Variants in CACNB2 observed in about 807,000 individuals in gnomAD.
The protein encoded by CACNB2 is voltage-dependent L-type calcium channel subunit beta-2.
A neutral mutation model predicts 73.3 loss-of-function variants in CACNB2; 42 were observed. The ratio of observed to expected loss-of-function variants is 0.57; its 90% CI spans 0.45 to 0.74. The LOEUF (loss-of-function observed/expected upper bound fraction) is 0.74. Among genes scored for constraint, CACNB2 ranks in the 30% least tolerant of loss-of-function variants. The pLI, the probability that CACNB2 is intolerant of heterozygous loss-of-function variation, is 0.00. For missense variants in CACNB2, 940 were observed against 853.0 expected (o/e 1.10, Z -1.27); for synonymous variants, 348 against 310.3 (o/e 1.12, Z -1.28).
In CACNB2 at chr10:18,464,687, C is replaced by T. The variant is rs367922409; in HGVS notation, c.334-33668C>T. On this transcript the variant is annotated intron_variant, in intron 3 of 13. Transcript: ENST00000324631. ...CAGCTTCACCACTACCACACATCTCCAAGCCACCATCCACTCTCATCTGGA... is the reference window on the plus strand; with the variant it reads ...CAGCTTCACCACTACCACACATCTCTAAGCCACCATCCACTCTCATCTGGA... Among the ~76,000 whole-genome samples, 7 of 152,338 alleles carry T rather than the reference C, an allele frequency of 4.6e-5. No homozygotes were observed. In the East Asian group the frequency reaches 1.4e-3, roughly 29 times the overall value.
chr10:18,289,796 T>C (rs9417384), intron 2 of CACNB2, among the ~76,000 whole-genome samples: 55,317 of 151,820 alleles, frequency 0.36, 10,698 homozygotes, highest in African/African-American at 0.43. Context: ...TTCTATCCTT[T>C]ATAAAATTTT....
At chr10:18,155,719 T>G (rs1248283105) in intron 2 of CACNB2, among the ~76,000 whole-genome samples, 1 of 152,146 alleles carries the variant, frequency 6.6e-6, no homozygotes, top group Admixed American at 6.6e-5. Flanking sequence ...TAACACTTAG[T>G]AGTGTCAATC....
intron 2 of CACNB2, among the ~76,000 whole-genome samples, chr10:18,217,272 T>C (rs946815918): frequency 1.7e-4 from 26 of 152,022 alleles, no homozygotes; most frequent in African/African-American, 6.0e-4. Context: ...TCACCTGAGG[T>C]CAGGAGTTCG....
Position 18,286,017 on chromosome 10 carries a change from C to T in CACNB2, c.214-115907C>T, listed in dbSNP as rs560096323. Among the ~76,000 whole-genome samples, 14 of 152,258 alleles carry T rather than the reference C, an allele frequency of 9.2e-5. No individual in the cohort carries two copies. The South Asian group carries it at 1.7e-3, about 18-fold the overall frequency. On this transcript the variant is annotated intron_variant, in intron 2 of 13. Coordinates refer to ENST00000324631, the MANE Select transcript of CACNB2 (RefSeq NM_201596.3). The stretch of plus-strand genomic sequence containing the variant: ...ACACAGTTTTTGAAATACTTTAAAA[C>T]CCAAATCTGTGGTGTAGTAATATAT...
chr10:18,246,347 C>A (rs572059972), intron 2 of CACNB2, among the ~76,000 whole-genome samples: 1 of 152,036 alleles, frequency 6.6e-6, no homozygotes, highest in African/African-American at 2.4e-5. Flanking sequence ...AATATTATAA[C>A]CTTAGGGAAC....
chr10:18,270,722 G>T (rs982827654), intron 2 of CACNB2, among the ~76,000 whole-genome samples: 1 of 151,910 alleles, frequency 6.6e-6, no homozygotes, highest in Non-Finnish European at 1.5e-5. Context: ...TCTCGGTTAG[G>T]TATCCTTGCT....
chr10:18,282,980 A>C (rs2038618639), intron 2 of CACNB2, among the ~76,000 whole-genome samples: 1 of 152,198 alleles, frequency 6.6e-6, no homozygotes, highest in Non-Finnish European at 1.5e-5. Context: ...CAAGAAAAAA[A>C]TCAAACAACC....
intron 2 of CACNB2, among the ~76,000 whole-genome samples, chr10:18,379,849 G>A (rs2042942576): frequency 6.6e-6 from 1 of 152,038 alleles, no homozygotes; most frequent in Admixed American, 6.6e-5. Context: ...ACCTCGCCTG[G>A]CTAATTTTTG....
rs756899035 is a variant in CACNB2, at chr10:18,257,886, G to C, written c.213+106911G>C. On this transcript the variant is annotated intron_variant, in intron 2 of 13. Coordinates refer to ENST00000324631, the MANE Select transcript of CACNB2 (RefSeq NM_201596.3). ...AGCCTCCCGAGTAGCTGGGATTACA[G>C]ACATGTGCCACCCTGCCCAGCAGAT... 2.4e-4 allele frequency among the ~76,000 whole-genome samples: 37 copies of C among 152,322 alleles called. 1 individual carries two copies. Among genetic ancestry groups the C allele is most frequent in the African/African-American group, 8.7e-4 (36 of 41,570 alleles).
At chr10:18,445,623 G>A (rs957018609) in intron 3 of CACNB2, among the ~76,000 whole-genome samples, 1 of 152,216 alleles carries the variant, frequency 6.6e-6, no homozygotes, top group African/African-American at 2.4e-5. Flanking sequence ...GTGTCCTTCT[G>A]ATGCTTCATT....
chr10:18,164,381 G>A (rs2032693948), intron 2 of CACNB2, among the ~76,000 whole-genome samples: 1 of 152,122 alleles, frequency 6.6e-6, no homozygotes, highest in African/African-American at 2.4e-5. Flanking sequence ...TTGTTTGTGG[G>A]AGAGCAATCG....
rs560394830 is a variant in CACNB2 at position 18,470,486 on chromosome 10, TATG to T, written c.334-27866_334-27864del. ...GATATACTGTATTGTATATATTACA[TATG>T]ATATACTGGATAGACTATGATATAC... On this transcript the variant is annotated intron_variant, in intron 3 of 13. Coordinates refer to ENST00000324631, the MANE Select transcript of CACNB2 (RefSeq NM_201596.3). Among the ~76,000 whole-genome samples the T allele has an allele frequency of 4.0e-3, 606 of 150,874 alleles. 2 individuals are homozygous for T. The highest frequency in any genetic ancestry group is 0.014 in the African/African-American group (580 of 41,186).
At chr10:18,312,970 T>TG (rs2040017493) in intron 2 of CACNB2, among the ~76,000 whole-genome samples, 1 of 152,162 alleles carries the variant, frequency 6.6e-6, no homozygotes. Flanking sequence ...AATGATTGTT[T>TG]TTCTGTGCTA....
At chr10:18,380,339 C>T (rs1203655740) in intron 2 of CACNB2, among the ~76,000 whole-genome samples, 2 of 151,706 alleles carry the variant, frequency 1.3e-5, no homozygotes, top group African/African-American at 4.8e-5. Context: ...TACAGTCTAA[C>T]TAGGAGAACC....
chr10:18,309,035 G>T (rs186263728), intron 2 of CACNB2, among the ~76,000 whole-genome samples: 1 of 152,128 alleles, frequency 6.6e-6, no homozygotes, highest in Admixed American at 6.5e-5. Flanking sequence ...CCTCGGAAGT[G>T]ATGCTGTCCT....
At chr10:18,238,170 AC>A (rs2036520806) in intron 2 of CACNB2, among the ~76,000 whole-genome samples, 1 of 152,140 alleles carries the variant, frequency 6.6e-6, no homozygotes, top group African/African-American at 2.4e-5. Context: ...CCCCATGTCC[AC>A]CCCAGACATA....
chr10:18,329,418 C>T (rs1271996739), intron 2 of CACNB2, among the ~76,000 whole-genome samples: 1 of 151,474 alleles, frequency 6.6e-6, no homozygotes, highest in Non-Finnish European at 1.5e-5. Flanking sequence ...GGAGATGAAT[C>T]CTGCCGATAA....
intron 2 of CACNB2, among the ~76,000 whole-genome samples, chr10:18,185,400 T>C (rs2034103299): frequency 6.6e-6 from 1 of 152,200 alleles, no homozygotes; most frequent in Admixed American, 6.5e-5. Context: ...TTAAATTCCA[T>C]TTATCTGGTG....
chr10:18,451,350 G>A (rs532879571), intron 3 of CACNB2, among the ~76,000 whole-genome samples: 5 of 152,264 alleles, frequency 3.3e-5, no homozygotes, highest in Admixed American at 1.3e-4. Flanking sequence ...TCGGGTTCCT[G>A]GACCAGGTAG....
Sources: allele counts gnomAD v4.1 joint callset (sites outside exome capture counted in the v4.1 genomes callset), GRCh38; gene constraint gnomAD v4.1.1; transcripts MANE v1.5; gene names NCBI Gene and HGNC (gene_info 2026-07-23, HGNC 2026-07-21).